IL1RAPL2: variants seen among roughly 807,000 people sequenced by gnomAD.
The protein encoded by IL1RAPL2 is X-linked interleukin-1 receptor accessory protein-like 2.
Under a neutral mutation model 44.1 loss-of-function variants are expected in IL1RAPL2, and 3 were observed. That is an observed-to-expected ratio of 0.07 (90% CI 0.03 to 0.18). The LOEUF (loss-of-function observed/expected upper bound fraction) is 0.18. Ranked by LOEUF, IL1RAPL2 falls within the 10% of genes least tolerant of loss-of-function variation. The pLI, the probability that IL1RAPL2 is intolerant of heterozygous loss-of-function variation, is 1.00. For synonymous variants in IL1RAPL2, 181 were observed against 178.8 expected, an observed-to-expected ratio of 1.01 and a Z score of -0.10; for missense variants, 391 against 496.4, an observed-to-expected ratio of 0.79 and a Z score of 2.02.
rs1350191708 is a variant in IL1RAPL2, at chrX:105,563,530, A to G, written c.772+79143A>G. On this transcript the variant is annotated intron_variant, in intron 6 of 10. Transcript: ENST00000372582. ...TGACTAATATTCAAGTACTTTCTAT[A>G]TGTAGCTATGTTACACATAGAGTCT... is the stretch of plus-strand genomic sequence containing the variant. Among the ~76,000 whole-genome samples the G allele has an allele frequency of 2.7e-5, 3 of 111,901 alleles. No homozygotes were observed. In the East Asian group the frequency reaches 8.4e-4, roughly 32 times the overall value.
At chrX:105,124,354 C>A (rs991353202) in intron 2 of IL1RAPL2, among the ~76,000 whole-genome samples, 1 of 110,582 alleles carries the variant, frequency 9.0e-6, no homozygotes, top group African/African-American at 3.3e-5. Context: ...GTTTTGTGTA[C>A]ACTTTCAAGG....
intron 2 of IL1RAPL2, among the ~76,000 whole-genome samples, chrX:104,884,264 G>C (rs1308681588): frequency 8.9e-6 from 1 of 111,815 alleles, no homozygotes; most frequent in Non-Finnish European, 1.9e-5. Flanking sequence ...TCCTCCTTGT[G>C]GTCTAGGAGG....
chrX:104,602,221 G>A (rs1318926004), intron 1 of IL1RAPL2, among the ~76,000 whole-genome samples: 2 of 111,317 alleles, frequency 1.8e-5, no homozygotes, highest in Non-Finnish European at 1.9e-5. Flanking sequence ...CACCTAGGAA[G>A]TGCAAGAGGT....
intron 5 of IL1RAPL2, among the ~76,000 whole-genome samples, chrX:105,481,733 A>G (rs1351447427): frequency 8.9e-6 from 1 of 112,830 alleles, no homozygotes; most frequent in Non-Finnish European, 1.9e-5. Context: ...CAATAATTCT[A>G]TAAAGAAATC....
chrX:104,809,257 G>A (rs1043942856), intron 2 of IL1RAPL2, among the ~76,000 whole-genome samples: 10 of 111,681 alleles, frequency 9.0e-5, no homozygotes, highest in Non-Finnish European at 1.7e-4. Context: ...AATGTGAGCT[G>A]GGTCAAATGG....
intron 2 of IL1RAPL2, among the ~76,000 whole-genome samples, chrX:105,026,992 T>C (rs1193927078): frequency 9.1e-6 from 1 of 110,107 alleles, no homozygotes. Flanking sequence ...AATAATGAAA[T>C]AGAATAGAGA....
chrX:105,694,876 A>G (rs1308724622), intron 6 of IL1RAPL2, among the ~76,000 whole-genome samples: 3 of 111,649 alleles, frequency 2.7e-5, no homozygotes, highest in Non-Finnish European at 5.6e-5. Context: ...TGATGAATTG[A>G]TTAAGATTTC....
intron 2 of IL1RAPL2, among the ~76,000 whole-genome samples, chrX:104,742,538 T>G (rs1932114655): frequency 8.9e-6 from 1 of 111,914 alleles, no homozygotes; most frequent in East Asian, 2.8e-4. Context: ...AGTAAATGTT[T>G]GTTTAATGAC....
intron 5 of IL1RAPL2, among the ~76,000 whole-genome samples, chrX:105,320,225 T>C (rs759972838): frequency 1.8e-5 from 2 of 111,808 alleles, no homozygotes; most frequent in East Asian, 2.8e-4. Flanking sequence ...AACTCTTACA[T>C]TGAACTGACA....
chrX:104,982,172 T>A (rs538643764), intron 2 of IL1RAPL2, among the ~76,000 whole-genome samples: 12 of 110,304 alleles, frequency 1.1e-4, no homozygotes, highest in Admixed American at 1.9e-4. Flanking sequence ...GATCACGTGA[T>A]TCCTGTTCAT....
At chrX:105,489,992 T>C (rs754393144) in intron 6 of IL1RAPL2, among the ~76,000 whole-genome samples, 8 of 109,065 alleles carry the variant, frequency 7.3e-5, no homozygotes, top group Non-Finnish European at 1.3e-4. Context: ...CACGCCCAGA[T>C]AATTTTTGTA....
chrX:105,511,868 G>T (rs770111221), intron 6 of IL1RAPL2, among the ~76,000 whole-genome samples: 2 of 111,246 alleles, frequency 1.8e-5, no homozygotes, highest in African/African-American at 6.5e-5. Context: ...AATATTTTGT[G>T]TTTTTTAAAT....
intron 2 of IL1RAPL2, among the ~76,000 whole-genome samples, chrX:104,950,322 G>C (rs374682333): frequency 7.1e-5 from 8 of 112,168 alleles, no homozygotes; most frequent in Non-Finnish European, 1.1e-4. Flanking sequence ...CAGTCTGCCC[G>C]TTCTCAGATC....
intron 2 of IL1RAPL2, among the ~76,000 whole-genome samples, chrX:104,972,867 G>T (rs2030262416): frequency 8.9e-6 from 1 of 112,018 alleles, no homozygotes; most frequent in Non-Finnish European, 1.9e-5. Context: ...CTGGCTGAGT[G>T]TTGATTCTTT....
rs188439420 is a variant in IL1RAPL2, at chrX:105,236,942, C to T, written c.543+2938C>T. Among the ~76,000 whole-genome samples, 344 of 110,472 alleles carry T rather than the reference C, an allele frequency of 3.1e-3. 2 individuals are homozygous for T. Among genetic ancestry groups the T allele is most frequent in the African/African-American group, 0.011 (335 of 30,335 alleles). ...ACATGTGCCATGTTGGTGTGCTGCACCCATTAACTCATCATTTACATTAGG... is the reference window on the plus strand; with the variant it reads ...ACATGTGCCATGTTGGTGTGCTGCATCCATTAACTCATCATTTACATTAGG... On this transcript the variant is annotated intron_variant, in intron 4 of 10. Transcript: ENST00000372582.
chrX:105,317,375 C>T (rs1195383085), intron 5 of IL1RAPL2, among the ~76,000 whole-genome samples: 2 of 112,002 alleles, frequency 1.8e-5, no homozygotes, highest in Admixed American at 1.9e-4. Context: ...TTTCTCCTCT[C>T]AGCTTCTTAG....
chrX:105,541,090 T>G (rs1243936001), intron 6 of IL1RAPL2, among the ~76,000 whole-genome samples: 3 of 106,313 alleles, frequency 2.8e-5, no homozygotes, highest in South Asian at 7.9e-4. Flanking sequence ...TACCTGGTCT[T>G]GATTCAACAT....
At chrX:105,012,551 AG>A (rs1263422369) in intron 2 of IL1RAPL2, among the ~76,000 whole-genome samples, 1 of 103,503 alleles carries the variant, frequency 9.7e-6, no homozygotes, top group East Asian at 3.2e-4. Context: ...ACTGGGTGCT[AG>A]TTTGTAGAAC....
At chrX:105,334,868 CA>C (rs2035015775) in intron 5 of IL1RAPL2, among the ~76,000 whole-genome samples, 1 of 110,413 alleles carries the variant, frequency 9.1e-6, no homozygotes, top group Admixed American at 9.7e-5. Context: ...CCATCCTTCA[CA>C]CATAAAAAAC....
Sources: allele counts gnomAD v4.1 joint callset (sites outside exome capture counted in the v4.1 genomes callset), GRCh38; gene constraint gnomAD v4.1.1; transcripts MANE v1.5; gene names NCBI Gene and HGNC (gene_info 2026-07-23, HGNC 2026-07-21).